Variants in DLEC1 observed in about 807,000 individuals in gnomAD.
DLEC1 encodes DLEC1 cilia and flagella associated protein.
DLEC1 carries 146 observed loss-of-function variants against 198.1 expected under a neutral mutation model. The ratio of observed to expected loss-of-function variants is 0.74; its 90% CI spans 0.64 to 0.85. DLEC1 has a LOEUF of 0.85. Ranked by LOEUF, DLEC1 falls within the 40% of genes least tolerant of loss-of-function variation. The probability of loss-of-function intolerance (pLI) is 0.00; values close to 1 mark genes in which losing one functional copy is unlikely to be tolerated. For synonymous variants in DLEC1, 897 were observed against 866.8 expected (o/e 1.03, Z -0.61); for missense variants, 2,233 against 2,220.0 (o/e 1.01, Z -0.12).
At chr3:38,073,750 C>A (rs1218287931) in intron 6 of DLEC1, among the ~76,000 whole-genome samples, 1 of 152,114 alleles carries the variant, frequency 6.6e-6, no homozygotes, top group Non-Finnish European at 1.5e-5. Context: ...TCAGTACCTA[C>A]AACAGTTATT....
rs146311513 is a variant in DLEC1, at chr3:38,047,923, G to A, written c.562+2230G>A. ...ACTACTTTGATTACCCCAAAGTATG[G>A]GCAGCATTAATTCTTTCCCTTTATT... On this transcript the variant is annotated intron_variant, in intron 2 of 36. Coordinates refer to ENST00000308059, the MANE Select transcript of DLEC1 (RefSeq NM_007335.4). Among the ~76,000 whole-genome samples the A allele has an allele frequency of 2.4e-3, 359 of 152,216 alleles. 1 individual carries two copies. The highest frequency in any genetic ancestry group is 8.3e-3 in the African/African-American group (344 of 41,514).
chr3:38,098,324 G>T (rs1032688057), intron 18 of DLEC1, among the ~76,000 whole-genome samples: 3 of 152,262 alleles, frequency 2.0e-5, no homozygotes, highest in Non-Finnish European at 4.4e-5. Flanking sequence ...CTGGTCACAG[G>T]CTGGCAGCCC....
At chr3:38,059,128 C>G (rs562644314) in intron 2 of DLEC1, among the ~76,000 whole-genome samples, 1 of 152,140 alleles carries the variant, frequency 6.6e-6, no homozygotes, top group Non-Finnish European at 1.5e-5. Flanking sequence ...GGGAATTGGC[C>G]GAGCTGGCTG....
chr3:38,064,016 T>TC (rs200723161), intron 6 of DLEC1, 97 bp downstream of exon 6: 34,244 of 883,168 alleles, frequency 0.039, 1,192 homozygotes, highest in Non-Finnish European at 0.048. Flanking sequence ...TCTTTTTTTT[T>TC]TTTTTTTTAG....
At chr3:38,083,961 A>G (rs1698204154) in intron 6 of DLEC1, among the ~76,000 whole-genome samples, 197 bp from the exon 7 acceptor site, 1 of 152,134 alleles carries the variant, frequency 6.6e-6, no homozygotes, top group African/African-American at 2.4e-5. Context: ...GAAACTTCCC[A>G]AAACAAACAA....
At chr3:38,092,742 T>TG in intron 10 of DLEC1, 48 bp from the exon 11 acceptor site, 1 of 1,555,980 alleles carries the variant, frequency 6.4e-7, no homozygotes, top group African/African-American at 1.4e-5. Flanking sequence ...GCGGGGAGGG[T>TG]GGAAGCCCTT....
intron 6 of DLEC1, among the ~76,000 whole-genome samples, chr3:38,069,725 CTCA>C (rs1697216444): frequency 6.6e-6 from 1 of 152,232 alleles, no homozygotes; most frequent in South Asian, 2.1e-4. Flanking sequence ...CCACCTGCAC[CTCA>C]TTTCAGTTGA....
At chr3:38,099,534 C>A (rs1699198406) in intron 18 of DLEC1, among the ~76,000 whole-genome samples, 2 of 152,126 alleles carry the variant, frequency 1.3e-5, no homozygotes, top group Non-Finnish European at 2.9e-5. Flanking sequence ...GGACGCAGAG[C>A]TGCTGAAACC....
intron 2 of DLEC1, among the ~76,000 whole-genome samples, chr3:38,058,300 C>G (rs969429002): frequency 3.3e-5 from 5 of 152,288 alleles, no homozygotes; most frequent in African/African-American, 1.2e-4. Context: ...TTTCAGTGCT[C>G]TCTCTGCCCA....
intron 2 of DLEC1, among the ~76,000 whole-genome samples, chr3:38,050,682 AG>A (rs1297483350): frequency 3.9e-5 from 6 of 152,234 alleles, no homozygotes; most frequent in Non-Finnish European, 5.9e-5. Context: ...CTCCAACTTT[AG>A]GAAAAAATTT....
At chr3:38,121,061 G>C (rs980259176) in intron 34 of DLEC1, among the ~76,000 whole-genome samples, 5 of 152,224 alleles carry the variant, frequency 3.3e-5, no homozygotes, top group Non-Finnish European at 5.9e-5. Context: ...CTAAGCAGGG[G>C]CTGCTAGTAA....
intron 2 of DLEC1, among the ~76,000 whole-genome samples, chr3:38,057,784 C>T (rs1384672362): frequency 1.3e-5 from 2 of 150,292 alleles, no homozygotes; most frequent in African/African-American, 4.9e-5. Flanking sequence ...TTAGCAATGA[C>T]TTATGGGTAC....
chr3:38,110,883 G>A (rs375398424), intron 23 of DLEC1, among the ~76,000 whole-genome samples: 21 of 151,654 alleles, frequency 1.4e-4, no homozygotes, highest in African/African-American at 4.9e-4. Context: ...CACATGCATA[G>A]ACACAAATAT....
At chr3:38,103,229 C>A (rs143441502) in intron 19 of DLEC1, 1 of 152,316 alleles carries the variant, frequency 6.6e-6, no homozygotes, top group Non-Finnish European at 1.5e-5. Context: ...TGAGTGAGAT[C>A]ATGTGATATT....
intron 18 of DLEC1, among the ~76,000 whole-genome samples, chr3:38,098,540 G>A (rs372283811): frequency 2.6e-5 from 4 of 151,966 alleles, no homozygotes; most frequent in South Asian, 4.2e-4. Flanking sequence ...CCTTCACCAC[G>A]GCATGGCTGC....
At chr3:38,050,583 G>T (rs573466868) in intron 2 of DLEC1, among the ~76,000 whole-genome samples, 11 of 152,066 alleles carry the variant, frequency 7.2e-5, no homozygotes, top group African/African-American at 2.7e-4. Context: ...ATATAGTGAG[G>T]ACTCACTCCC....
At chr3:38,095,537 C>A (rs1698969384) in intron 13 of DLEC1, 3 of 333,180 alleles carry the variant, frequency 9.0e-6, no homozygotes, top group Non-Finnish European at 1.7e-5. Flanking sequence ...GGGTTTGGGG[C>A]TGAGATGAGT....
At chr3:38,087,567 G>A (rs1441746346) in intron 9 of DLEC1, among the ~76,000 whole-genome samples, 1 of 149,832 alleles carries the variant, frequency 6.7e-6, no homozygotes, top group Admixed American at 6.6e-5. Context: ...CCATCCATCA[G>A]CACTGACACC....
intron 21 of DLEC1, among the ~76,000 whole-genome samples, chr3:38,109,034 C>T (rs1226131402): frequency 6.6e-6 from 1 of 152,238 alleles, no homozygotes; most frequent in African/African-American, 2.4e-5. Flanking sequence ...TCTCAGCTCC[C>T]CCTGGCAAAT....
Sources: gnomAD v4.1 joint callset for allele counts (sites outside exome capture counted in the v4.1 genomes callset) on GRCh38, gnomAD v4.1.1 for gene constraint, MANE v1.5 for transcripts, NCBI Gene and HGNC (gene_info 2026-07-23, HGNC 2026-07-21) for gene names.